The following CGNL1 variants were observed in gnomAD, a reference collection of about 807,000 sequenced individuals.
The protein encoded by CGNL1 is cingulin like 1.
A neutral mutation model predicts 141.2 loss-of-function variants in CGNL1; 132 were observed. The observed-to-expected ratio is 0.93, with a 90% CI of 0.81 to 1.08. The LOEUF (loss-of-function observed/expected upper bound fraction) is 1.08, where lower values mean the gene tolerates loss of function less well. CGNL1 is among the 50% of genes least tolerant of loss of function. CGNL1 has a pLI of 0.00. For synonymous variants in CGNL1, 690 were observed against 622.1 expected (o/e 1.11, Z -1.63); for missense variants, 1,870 against 1,588.6 (o/e 1.18, Z -3.01).
intron 1 of CGNL1, among the ~76,000 whole-genome samples, chr15:57,401,476 G>A (rs993357852): frequency 1.3e-5 from 2 of 152,170 alleles, no homozygotes; most frequent in South Asian, 2.1e-4. Context: ...TTCTGCTGGT[G>A]CCCGAGTTCT....
chr15:57,395,114 T>C (rs1417515736), intron 1 of CGNL1, among the ~76,000 whole-genome samples: 1 of 152,118 alleles, frequency 6.6e-6, no homozygotes, highest in Non-Finnish European at 1.5e-5. Flanking sequence ...CCGTCTCAAA[T>C]AAACAAACAA....
chr15:57,499,305 G>A (rs1219010848), intron 8 of CGNL1, among the ~76,000 whole-genome samples: 6 of 144,828 alleles, frequency 4.1e-5, no homozygotes, highest in Non-Finnish European at 6.0e-5. Flanking sequence ...TAATGCAGTG[G>A]TGTGATCTTG....
At chr15:57,501,048 G>A (rs147465562) in intron 8 of CGNL1, among the ~76,000 whole-genome samples, 3 of 152,290 alleles carry the variant, frequency 2.0e-5, no homozygotes, top group Admixed American at 6.5e-5. Flanking sequence ...GTATCACAGG[G>A]TATTAAATAC....
chr15:57,395,921 G>T (rs1485684081), intron 1 of CGNL1, among the ~76,000 whole-genome samples: 5 of 152,102 alleles, frequency 3.3e-5, no homozygotes. Context: ...GCTTTCTTGT[G>T]CCTCCTCCTG....
Position 57,447,449 on chromosome 15 carries a change from C to A in CGNL1, c.1804-4051C>A, listed in dbSNP as rs145044898. The stretch of plus-strand genomic sequence containing the variant: ...TCATGAATTTAAAGACGTTATTCGT[C>A]TTTTGACCTCAGTTGGCTCCATTGG... On this transcript the variant is annotated intron_variant, in intron 4 of 18. Transcript: ENST00000281282. Among the ~76,000 whole-genome samples, 179 of 152,290 alleles carry A rather than the reference C, an allele frequency of 1.2e-3. 1 individual carries two copies. Among genetic ancestry groups the A allele is most frequent in the Admixed American group, 1.8e-3 (28 of 15,298 alleles).
chr15:57,450,924 C>T (rs2063314538), intron 4 of CGNL1, among the ~76,000 whole-genome samples: 1 of 152,206 alleles, frequency 6.6e-6, no homozygotes, highest in Admixed American at 6.5e-5. Flanking sequence ...AAAACCTGGT[C>T]CCTGCCCCAT....
At chr15:57,414,430 G>A (rs1181153685) in intron 1 of CGNL1, among the ~76,000 whole-genome samples, 4 of 152,242 alleles carry the variant, frequency 2.6e-5, no homozygotes, top group South Asian at 2.1e-4. Flanking sequence ...CAAGATAATC[G>A]CACCAAAGAT....
In CGNL1 at chr15:57,442,385, T is replaced by A. The variant is rs1343471369; in HGVS notation, c.1710T>A (p.Asn570Lys). The A allele has an allele frequency of 5.0e-6, 8 of 1,611,440 alleles. No homozygotes were observed. Among genetic ancestry groups the A allele is most frequent in the Non-Finnish European group, 5.9e-6 (7 of 1,177,836 alleles). Residue 570 changes from asparagine (N) to lysine (K), a missense_variant, in exon 4 of 19, where the codon AAT becomes AAA. Transcript: ENST00000281282. ...YNYLKEGSTDNDDATKRKVNL... is the reference protein window; with the variant it reads ...YNYLKEGSTDKDDATKRKVNL... ...GTCCCTTTTTCAGAAGCACTGATAA[T>A]GACGATGCTACTAAAAGGAAAGTCA... is the stretch of plus-strand genomic sequence containing the variant.
intron 7 of CGNL1, among the ~76,000 whole-genome samples, chr15:57,458,225 C>T (rs2152329604): frequency 6.6e-6 from 1 of 152,288 alleles, no homozygotes; most frequent in South Asian, 2.1e-4. Context: ...AACTGGATTC[C>T]ATAGAGAGGC....
chr15:57,383,110 C>T (rs575010910), intron 1 of CGNL1, among the ~76,000 whole-genome samples: 6 of 152,038 alleles, frequency 3.9e-5, no homozygotes, highest in African/African-American at 9.7e-5. Flanking sequence ...GATTAGCCTC[C>T]GTCCTTGCCC....
chr15:57,398,883 G>C (rs965228584), intron 1 of CGNL1, among the ~76,000 whole-genome samples: 2 of 152,112 alleles, frequency 1.3e-5, no homozygotes, highest in Admixed American at 6.5e-5. Context: ...TGTTTTTGTT[G>C]TTTAACCATG....
At position 57,439,030 on chromosome 15, in the gene CGNL1, A is replaced by G. The variant is rs138993392; in HGVS notation, c.1031A>G (p.Asp344Gly). ...YIPFLPGTGRDIDTGSIPGVD... is the reference protein window; with the variant it reads ...YIPFLPGTGRGIDTGSIPGVD... ...CCCTTCCTGCCAGGAACTGGACGGG[A>G]TATTGATACAGGATCAATTCCTGGT... is the stretch of plus-strand genomic sequence containing the variant. The change falls in exon 2 of 19, where the codon GAT becomes GGT. Residue 344 changes from aspartate (D) to glycine (G), a missense_variant. Transcript: ENST00000281282. 4.0e-4 allele frequency: 638 copies of G among 1,614,098 alleles called. No homozygotes were observed. The highest frequency in any genetic ancestry group is 5.0e-4 in the Non-Finnish European group (594 of 1,180,034).
chr15:57,480,683 A>C (rs374181728), intron 8 of CGNL1, among the ~76,000 whole-genome samples: 13 of 152,140 alleles, frequency 8.5e-5, no homozygotes, highest in African/African-American at 3.1e-4. Context: ...ACATCAGAAG[A>C]ATTTAAATGA....
At chr15:57,410,695 T>G (rs946304593) in intron 1 of CGNL1, among the ~76,000 whole-genome samples, 1 of 152,232 alleles carries the variant, frequency 6.6e-6, no homozygotes, top group Admixed American at 6.5e-5. Context: ...GGCTATATTA[T>G]CTGCTAAACT....
chr15:57,394,816 T>A (rs1318020572), intron 1 of CGNL1, among the ~76,000 whole-genome samples: 1 of 152,160 alleles, frequency 6.6e-6, no homozygotes, highest in Non-Finnish European at 1.5e-5. Flanking sequence ...AAGCACGTAC[T>A]TAAACAATTA....
At chr15:57,462,821 T>C (rs1486939212) in intron 8 of CGNL1, among the ~76,000 whole-genome samples, 1 of 152,182 alleles carries the variant, frequency 6.6e-6, no homozygotes, top group Non-Finnish European at 1.5e-5. Flanking sequence ...CTGTTTGGGG[T>C]TATTACAACT....
intron 8 of CGNL1, among the ~76,000 whole-genome samples, chr15:57,507,254 A>G (rs1455158902): frequency 6.6e-6 from 1 of 152,202 alleles, no homozygotes; most frequent in African/African-American, 2.4e-5. Context: ...ATTTAGTTGC[A>G]GTGTGTTGTG....
chr15:57,514,728 T>G (rs1406846248), intron 8 of CGNL1, among the ~76,000 whole-genome samples: 4 of 152,222 alleles, frequency 2.6e-5, no homozygotes, highest in Admixed American at 2.6e-4. Flanking sequence ...AGTTTTATAG[T>G]TTTAGATCCT....
intron 17 of CGNL1, 27 bp downstream of exon 17, chr15:57,545,727 C>T (rs1485937701): frequency 6.4e-7 from 1 of 1,572,122 alleles, no homozygotes; most frequent in Non-Finnish European, 8.7e-7. Flanking sequence ...TGCATTTGCT[C>T]TTAGATGAGA....
Sources: gnomAD v4.1 joint callset for allele counts (sites outside exome capture counted in the v4.1 genomes callset) on GRCh38, gnomAD v4.1.1 for gene constraint, MANE v1.5 for transcripts, NCBI Gene and HGNC (gene_info 2026-07-23, HGNC 2026-07-21) for gene names.